CACNA2D3: variants seen among roughly 807,000 people sequenced by gnomAD.
CACNA2D3 encodes calcium voltage-gated channel auxiliary subunit alpha2delta 3.
A neutral mutation model predicts 160.6 loss-of-function variants in CACNA2D3; 60 were observed. The ratio of observed to expected loss-of-function variants is 0.37; its 90% confidence interval spans 0.30 to 0.46. CACNA2D3 has a LOEUF of 0.46. CACNA2D3 is among the 20% of genes least tolerant of loss of function. The pLI is 1.00. For synonymous variants in CACNA2D3, 558 were observed against 492.9 expected (o/e 1.13, Z -1.75); for missense variants, 1,205 against 1,365.0 (o/e 0.88, Z 1.85).
intron 4 of CACNA2D3, among the ~76,000 whole-genome samples, chr3:54,420,257 G>T (rs562243884): frequency 7.2e-5 from 11 of 152,100 alleles, no homozygotes; most frequent in African/African-American, 2.7e-4. Context: ...GCTAATTTTT[G>T]TATTTTTAGT....
intron 17 of CACNA2D3, 124 bp downstream of exon 17, chr3:54,846,591 G>C: frequency 1.6e-6 from 1 of 611,112 alleles, no homozygotes. Context: ...TCATAGCATT[G>C]TAAAGATTGT....
intron 13 of CACNA2D3, among the ~76,000 whole-genome samples, chr3:54,791,432 A>T (rs1175040998): frequency 6.6e-6 from 1 of 152,210 alleles, no homozygotes; most frequent in African/African-American, 2.4e-5. Flanking sequence ...TTCATATGTG[A>T]TTAGACATTT....
chr3:54,872,578 C>T (rs1396074987), intron 18 of CACNA2D3, among the ~76,000 whole-genome samples: 1 of 152,204 alleles, frequency 6.6e-6, no homozygotes, highest in Non-Finnish European at 1.5e-5. Flanking sequence ...CCTTCCAGAA[C>T]AGGGGGCCAG....
chr3:54,213,647 A>G (rs1701415609), intron 2 of CACNA2D3, among the ~76,000 whole-genome samples: 1 of 152,210 alleles, frequency 6.6e-6, no homozygotes, highest in Admixed American at 6.5e-5. Context: ...GAATGCAGGG[A>G]TGAGATGTGG....
At chr3:54,871,198 CACACACACACACACACACACACA>C (rs1272435563) in intron 17 of CACNA2D3, among the ~76,000 whole-genome samples, 2 of 106,274 alleles carry the variant, frequency 1.9e-5, no homozygotes, top group Admixed American at 1.1e-4. Context: ...CACACACACA[CACACACACACACACACACACACA>C]CACCCCCCAT....
intron 11 of CACNA2D3, among the ~76,000 whole-genome samples, chr3:54,685,432 G>C (rs1321413265): frequency 6.6e-6 from 1 of 152,218 alleles, no homozygotes; most frequent in Admixed American, 6.5e-5. Context: ...AAAACTGGCA[G>C]TGGGCCAGAT....
chr3:54,714,984 C>T (rs1030664432), intron 11 of CACNA2D3, among the ~76,000 whole-genome samples: 1 of 152,132 alleles, frequency 6.6e-6, no homozygotes, highest in South Asian at 2.1e-4. Flanking sequence ...ATCAACTGTC[C>T]AGCAGATTCT....
chr3:54,460,160 T>A (rs553554550), intron 4 of CACNA2D3, among the ~76,000 whole-genome samples: 14 of 152,082 alleles, frequency 9.2e-5, no homozygotes, highest in Non-Finnish European at 1.2e-4. Flanking sequence ...AGTACCATGC[T>A]GTTTTGGTTA....
At chr3:54,529,392 C>T (rs968007854) in intron 5 of CACNA2D3, among the ~76,000 whole-genome samples, 20 of 152,210 alleles carry the variant, frequency 1.3e-4, no homozygotes, top group African/African-American at 4.8e-4. Flanking sequence ...CATTCTGGGT[C>T]TCTGAGCTAT....
At chr3:54,442,714 A>T (rs919417584) in intron 4 of CACNA2D3, among the ~76,000 whole-genome samples, 1 of 152,178 alleles carries the variant, frequency 6.6e-6, no homozygotes, top group Non-Finnish European at 1.5e-5. Flanking sequence ...GTAGTTCCCT[A>T]AGTCAGCCTT....
chr3:54,904,899 G>A (rs924194982), intron 27 of CACNA2D3, among the ~76,000 whole-genome samples: 5 of 152,110 alleles, frequency 3.3e-5, no homozygotes, highest in African/African-American at 1.2e-4. Context: ...ATATTTTAAG[G>A]AATAGAAAAT....
chr3:54,944,190 C>G (rs1431597864), intron 27 of CACNA2D3, among the ~76,000 whole-genome samples: 4 of 151,998 alleles, frequency 2.6e-5, no homozygotes, highest in Non-Finnish European at 4.4e-5. Context: ...TGCCAGGATG[C>G]TGTGAGTTCA....
rs1699905429 is a variant in CACNA2D3 at position 54,885,606 on chromosome 3, T to G, written c.2056+20T>G. 4 of 1,585,160 alleles carry G rather than the reference T, an allele frequency of 2.5e-6. No homozygotes were observed. In the East Asian group the frequency reaches 9.0e-5, roughly 36 times the overall value. Reference sequence around the variant, plus strand: ...TCCAGTGTGAGTATGCTTTCAAAAGTGTGCTGTGCCTTCAGGGGTGATGGT... The same window carrying G: ...TCCAGTGTGAGTATGCTTTCAAAAGGGTGCTGTGCCTTCAGGGGTGATGGT... On this transcript the variant is annotated intron_variant, in intron 23 of 37. Coordinates refer to ENST00000474759, the MANE Select transcript of CACNA2D3 (RefSeq NM_018398.3).
At chr3:54,335,622 C>T (rs1355264049) in intron 3 of CACNA2D3, among the ~76,000 whole-genome samples, 1 of 152,148 alleles carries the variant, frequency 6.6e-6, no homozygotes, top group Admixed American at 6.5e-5. Flanking sequence ...TTGTGCCGAC[C>T]TCCTGTCTCA....
At chr3:54,320,800 C>T (rs1269947681) in intron 3 of CACNA2D3, among the ~76,000 whole-genome samples, 2 of 152,186 alleles carry the variant, frequency 1.3e-5, no homozygotes, top group Non-Finnish European at 2.9e-5. Flanking sequence ...GCAGAGCTGC[C>T]ACTAATTGTA....
intron 11 of CACNA2D3, among the ~76,000 whole-genome samples, chr3:54,676,375 C>G (rs1423224524): frequency 6.6e-6 from 1 of 152,078 alleles, no homozygotes; most frequent in Non-Finnish European, 1.5e-5. Flanking sequence ...TTGTGTCTCT[C>G]CCAGCACTTA....
At chr3:54,762,665 C>A (rs544978484) in intron 12 of CACNA2D3, among the ~76,000 whole-genome samples, 19 of 152,288 alleles carry the variant, frequency 1.2e-4, no homozygotes, top group East Asian at 1.9e-4. Flanking sequence ...ATCTCCTAAC[C>A]CACAGCAAAG....
At chr3:54,757,519 T>A (rs1435397569) in intron 12 of CACNA2D3, among the ~76,000 whole-genome samples, 2 of 152,192 alleles carry the variant, frequency 1.3e-5, no homozygotes, top group Non-Finnish European at 2.9e-5. Context: ...AAGTGGCAAT[T>A]AAAACATTTT....
At chr3:54,224,456 A>G (rs911323709) in intron 2 of CACNA2D3, among the ~76,000 whole-genome samples, 3 of 152,204 alleles carry the variant, frequency 2.0e-5, no homozygotes, top group African/African-American at 7.2e-5. Flanking sequence ...TGTTTACACC[A>G]GCTTGACCAC....
Sources: gnomAD v4.1 joint callset for allele counts (sites outside exome capture counted in the v4.1 genomes callset) on GRCh38, gnomAD v4.1.1 for gene constraint, MANE v1.5 for transcripts, NCBI Gene and HGNC (gene_info 2026-07-23, HGNC 2026-07-21) for gene names.